Variants in CALN1 observed in about 807,000 individuals in gnomAD.
CALN1 encodes the protein calcium-binding protein 8.
Under a neutral mutation model 30.6 loss-of-function variants are expected in CALN1, and 17 were observed. The observed-to-expected ratio is 0.56, with a 90% CI of 0.38 to 0.83. The LOEUF (loss-of-function observed/expected upper bound fraction) is 0.83, where lower values mean the gene tolerates loss of function less well. Ranked by LOEUF, CALN1 falls within the 40% of genes least tolerant of loss-of-function variation. The pLI is 0.00. For synonymous variants in CALN1, 156 were observed against 131.4 expected (o/e 1.19, Z -1.28); for missense variants, 291 against 354.9 (o/e 0.82, Z 1.45).
At chr7:72,155,148 G>C (rs1035929871) in intron 3 of CALN1, among the ~76,000 whole-genome samples, 5 of 152,164 alleles carry the variant, frequency 3.3e-5, no homozygotes, top group African/African-American at 1.2e-4. Flanking sequence ...CAGAGGGAAG[G>C]ACATTTGAGG....
At chr7:72,380,270 GAGAAGACAC>G (rs1041594762) in intron 2 of CALN1, among the ~76,000 whole-genome samples, 1 of 152,120 alleles carries the variant, frequency 6.6e-6, no homozygotes, top group African/African-American at 2.4e-5. Context: ...TGGGGCCTAT[GAGAAGACAC>G]TGCAACACAC....
At position 72,102,431 on chromosome 7, in the gene CALN1, A is replaced by G. The variant is rs148715276; in HGVS notation, c.388+3720T>C. On this transcript the variant is annotated intron_variant, in intron 4 of 6. Transcript: ENST00000395275. Reference sequence around the variant, plus strand: ...CTGCACTGCAGCCTGGGCGTAAGACAGAGTGAGACTCTGTCGCAAATTTTA... The same window carrying G: ...CTGCACTGCAGCCTGGGCGTAAGACGGAGTGAGACTCTGTCGCAAATTTTA... Among the ~76,000 whole-genome samples, 639 of 152,234 alleles carry G rather than the reference A, an allele frequency of 4.2e-3. 5 individuals are homozygous for G. The highest frequency in any genetic ancestry group is 0.014 in the African/African-American group (582 of 41,554).
chr7:72,422,992 GGTCCCAGCTACTCA>G (rs1222644250), intron 1 of CALN1, among the ~76,000 whole-genome samples: 2 of 151,862 alleles, frequency 1.3e-5, no homozygotes, highest in Non-Finnish European at 2.9e-5. Context: ...AGCCAGGCGT[GGTCCCAGCTACTCA>G]GGGGCTAAGA....
intron 3 of CALN1, among the ~76,000 whole-genome samples, chr7:72,120,546 A>T (rs1010046099): frequency 2.6e-5 from 4 of 152,092 alleles, no homozygotes; most frequent in African/African-American, 9.7e-5. Flanking sequence ...TTTCCTTAAG[A>T]TGACTTCCTA....
At chr7:72,324,574 T>G (rs1022307388) in intron 2 of CALN1, among the ~76,000 whole-genome samples, 1 of 150,470 alleles carries the variant, frequency 6.6e-6, no homozygotes, top group Non-Finnish European at 1.5e-5. Context: ...ATTTATTTAT[T>G]TATTTATTTA....
intron 5 of CALN1, among the ~76,000 whole-genome samples, chr7:71,959,431 T>C (rs1362506505): frequency 6.6e-6 from 1 of 152,122 alleles, no homozygotes; most frequent in Non-Finnish European, 1.5e-5. Context: ...GCAAGTCCTT[T>C]TGAGGAAAGG....
intron 2 of CALN1, among the ~76,000 whole-genome samples, chr7:72,287,513 C>G (rs995490926): frequency 4.9e-5 from 6 of 121,564 alleles, no homozygotes; most frequent in African/African-American, 1.9e-4. Context: ...GTGGCGCAAT[C>G]TTGGCTCACT....
intron 2 of CALN1, among the ~76,000 whole-genome samples, chr7:72,304,866 C>T (rs558427592): frequency 1.3e-5 from 2 of 152,262 alleles, no homozygotes; most frequent in South Asian, 2.1e-4. Context: ...GTTGTTTAAC[C>T]TCTCCACACT....
intron 3 of CALN1, among the ~76,000 whole-genome samples, chr7:72,124,074 A>G (rs1808572862): frequency 6.6e-6 from 1 of 152,208 alleles, no homozygotes; most frequent in South Asian, 2.1e-4. Flanking sequence ...CAGTAGGCCA[A>G]CTATTTCAGA....
At chr7:72,260,215 T>G (rs921563060) in intron 3 of CALN1, among the ~76,000 whole-genome samples, 7 of 152,054 alleles carry the variant, frequency 4.6e-5, no homozygotes, top group Admixed American at 2.0e-4. Context: ...AAATAAAATA[T>G]AAAATAAAGC....
chr7:71,813,103 C>T (rs190899207), intron 5 of CALN1, among the ~76,000 whole-genome samples: 1 of 152,014 alleles, frequency 6.6e-6, no homozygotes, highest in South Asian at 2.1e-4. Flanking sequence ...CACACACCAC[C>T]ACACCTAGCT....
intron 5 of CALN1, among the ~76,000 whole-genome samples, chr7:71,895,895 T>A (rs1044890961): frequency 6.6e-6 from 1 of 152,212 alleles, no homozygotes; most frequent in South Asian, 2.1e-4. Flanking sequence ...ATCCCATCAT[T>A]ACCTTAGATT....
intron 2 of CALN1, among the ~76,000 whole-genome samples, chr7:72,317,084 G>GAGAGAGAGAAAGAAAGAA (rs201834973): frequency 9.1e-6 from 1 of 109,722 alleles, no homozygotes; most frequent in Non-Finnish European, 1.8e-5. Flanking sequence ...CACAGAAAGA[G>GAGAGAGAGAAAGAAAGAA]AGAGAGAGAG....
At chr7:71,801,829 T>A (rs963911038) in intron 6 of CALN1, among the ~76,000 whole-genome samples, 1 of 151,606 alleles carries the variant, frequency 6.6e-6, no homozygotes. Flanking sequence ...ATACAAAAAA[T>A]TAGCTGGGCG....
At chr7:72,381,558 A>G (rs914709458) in intron 2 of CALN1, among the ~76,000 whole-genome samples, 2 of 152,226 alleles carry the variant, frequency 1.3e-5, no homozygotes, top group Non-Finnish European at 2.9e-5. Context: ...GCAGGGGCAT[A>G]GTTGAGCTGG....
intron 3 of CALN1, among the ~76,000 whole-genome samples, chr7:72,155,817 T>C (rs2867605): frequency 0.76 from 115,743 of 152,094 alleles, 44,500 homozygotes; most frequent in East Asian, 0.96. Context: ...AGGTGGTAGC[T>C]GGGATGGTTC....
chr7:72,347,425 C>G (rs1011117632), intron 2 of CALN1, among the ~76,000 whole-genome samples: 3 of 151,914 alleles, frequency 2.0e-5, no homozygotes, highest in African/African-American at 7.3e-5. Flanking sequence ...TGCCATCATG[C>G]CTGGCTAATT....
At chr7:72,280,168 C>T (rs1295635396) in intron 2 of CALN1, among the ~76,000 whole-genome samples, 1 of 152,204 alleles carries the variant, frequency 6.6e-6, no homozygotes, top group Non-Finnish European at 1.5e-5. Context: ...TATCTTCCTA[C>T]AAAGTAGGCT....
chr7:71,880,061 CG>C (rs1792475046), intron 5 of CALN1, among the ~76,000 whole-genome samples: 3 of 151,996 alleles, frequency 2.0e-5, no homozygotes, highest in Admixed American at 2.0e-4. Flanking sequence ...CATTAAAGCC[CG>C]GGAGTTTGAG....
Sources: allele counts gnomAD v4.1 joint callset (sites outside exome capture counted in the v4.1 genomes callset), GRCh38; gene constraint gnomAD v4.1.1; transcripts MANE v1.5; gene names NCBI Gene and HGNC (gene_info 2026-07-23, HGNC 2026-07-21).